SMG6: variants seen among roughly 807,000 people sequenced by gnomAD.
The protein encoded by SMG6 is SMG6 nonsense mediated mRNA decay factor, also known as telomerase-binding protein EST1A.
Under a neutral mutation model 142.2 loss-of-function variants are expected in SMG6, and 66 were observed. The ratio of observed to expected loss-of-function variants is 0.46; its 90% CI spans 0.38 to 0.57. SMG6 has a LOEUF of 0.57. SMG6 is among the 20% of genes least tolerant of loss of function. The pLI is 0.00. For missense variants in SMG6, 1,793 were observed against 1,832.0 expected, an observed-to-expected ratio of 0.98 and a Z score of 0.39; for synonymous variants, 779 against 702.4, an observed-to-expected ratio of 1.11 and a Z score of -1.72.
chr17:2,266,366 A>G (rs1214147603), intron 8 of SMG6, among the ~76,000 whole-genome samples: 1 of 152,134 alleles, frequency 6.6e-6, no homozygotes, highest in East Asian at 1.9e-4. Flanking sequence ...GAAAAACCTT[A>G]AGCTGGGAAA....
chr17:2,084,925 C>T (rs949164364), intron 14 of SMG6, among the ~76,000 whole-genome samples: 2 of 152,230 alleles, frequency 1.3e-5, no homozygotes, highest in Non-Finnish European at 2.9e-5. Flanking sequence ...ATCACACTCA[C>T]AACCACTCAG....
chr17:2,074,015 G>A (rs145507119), intron 15 of SMG6, among the ~76,000 whole-genome samples: 155 of 152,164 alleles, frequency 1.0e-3, no homozygotes, highest in Middle Eastern at 6.8e-3. Context: ...GGAGGCAGCG[G>A]TTACAGTGAG....
At chr17:2,247,408 G>A (rs779819199) in intron 8 of SMG6, among the ~76,000 whole-genome samples, 1 of 152,064 alleles carries the variant, frequency 6.6e-6, no homozygotes, top group Non-Finnish European at 1.5e-5. Flanking sequence ...ATCATAAATT[G>A]GTTAATTCAT....
intron 13 of SMG6, among the ~76,000 whole-genome samples, chr17:2,133,843 C>T (rs552342569): frequency 6.6e-6 from 1 of 152,142 alleles, no homozygotes; most frequent in African/African-American, 2.4e-5. Context: ...ATGGGGCATA[C>T]CCTTTCTGTT....
rs534901645 is a variant in SMG6, at chr17:2,065,749, A to G, written c.3836-70T>C. 5.0e-5 allele frequency: 67 copies of G among 1,333,218 alleles called. No homozygotes were observed. In the African/African-American group the frequency reaches 8.4e-4, roughly 17 times the overall value. The allele number at this position is 1,333,218 out of a possible 1,614,324, so 82.6% of individuals were successfully genotyped here. The stretch of plus-strand genomic sequence containing the variant: ...TTTCATCCTAGGCCTCTGTCCATTC[A>G]CTTTCCCAGCCAACACCTTCCCAGA... On this transcript the variant is annotated intron_variant, in intron 16 of 18. Transcript: ENST00000263073.
At chr17:2,081,700 G>T in intron 15 of SMG6, 110 bp downstream of exon 15, 1 of 1,303,968 alleles carries the variant, frequency 7.7e-7, no homozygotes. Context: ...GAACACTGCA[G>T]GACTGACTCA....
chr17:2,216,715 G>C (rs1160700483), intron 10 of SMG6, among the ~76,000 whole-genome samples: 2 of 152,102 alleles, frequency 1.3e-5, no homozygotes, highest in Non-Finnish European at 2.9e-5. Context: ...CTTGAACATT[G>C]TTAGGAATTT....
chr17:2,103,184 A>T (rs958267285), intron 13 of SMG6, among the ~76,000 whole-genome samples: 4 of 152,124 alleles, frequency 2.6e-5, no homozygotes, highest in African/African-American at 9.7e-5. Context: ...CCATTCTTAC[A>T]GGTTTCTGTG....
At chr17:2,209,519 C>T (rs947922937) in intron 10 of SMG6, among the ~76,000 whole-genome samples, 3 of 152,148 alleles carry the variant, frequency 2.0e-5, no homozygotes, top group Non-Finnish European at 2.9e-5. Flanking sequence ...TGTGTCACCA[C>T]GCCCCGGCTA....
At chr17:2,100,404 C>G (rs1378705831) in intron 13 of SMG6, among the ~76,000 whole-genome samples, 1 of 152,144 alleles carries the variant, frequency 6.6e-6, no homozygotes, top group African/African-American at 2.4e-5. Flanking sequence ...AACTCCTGGC[C>G]TCAAGTGATC....
chr17:2,171,009 G>A (rs1565764), intron 13 of SMG6, among the ~76,000 whole-genome samples: 51,609 of 151,994 alleles, frequency 0.34, 9,329 homozygotes, highest in African/African-American at 0.46. Flanking sequence ...GCATGTTAGC[G>A]CAGACCTATA....
intron 13 of SMG6, among the ~76,000 whole-genome samples, chr17:2,129,839 G>A (rs1368570261): frequency 7.9e-6 from 1 of 126,898 alleles, no homozygotes; most frequent in African/African-American, 2.8e-5. Flanking sequence ...ATGACAAATA[G>A]ATTTAATAAT....
intron 10 of SMG6, among the ~76,000 whole-genome samples, chr17:2,219,048 TACATGAA>T (rs1456708747): frequency 6.6e-6 from 1 of 152,226 alleles, no homozygotes; most frequent in Non-Finnish European, 1.5e-5. Context: ...ATTCAACAAA[TACATGAA>T]GGCCTACATT....
intron 10 of SMG6, among the ~76,000 whole-genome samples, chr17:2,215,224 C>CAT (rs56977255): frequency 2.6e-5 from 4 of 151,196 alleles, no homozygotes; most frequent in Admixed American, 1.3e-4. Context: ...CACACACACA[C>CAT]GCGCGCGCAC....
chr17:2,158,083 T>TA (rs2071062924), intron 13 of SMG6, among the ~76,000 whole-genome samples: 1 of 152,198 alleles, frequency 6.6e-6, no homozygotes, highest in African/African-American at 2.4e-5. Flanking sequence ...GGGAAGAAGT[T>TA]AATTTTTTAA....
chr17:2,160,461 C>A (rs559160964), intron 13 of SMG6, among the ~76,000 whole-genome samples: 1 of 152,170 alleles, frequency 6.6e-6, no homozygotes, highest in East Asian at 1.9e-4. Context: ...TCTGGTGAAC[C>A]GCCTGCCTCG....
chr17:2,106,141 G>A (rs192336985), intron 13 of SMG6, among the ~76,000 whole-genome samples: 2 of 152,310 alleles, frequency 1.3e-5, no homozygotes, highest in Admixed American at 6.5e-5. Flanking sequence ...GGCTTAAGGA[G>A]GAGATACTGA....
chr17:2,247,929 T>TAAACAAAC lies in SMG6; in HGVS notation c.2662-3218_2662-3211dup, dbSNP rs374727108. On this transcript the variant is annotated intron_variant, in intron 8 of 18. Coordinates refer to ENST00000263073, the MANE Select transcript of SMG6 (RefSeq NM_017575.5). ...CAATATGGTGAAACCCAGTATCTGT[T>TAAACAAAC]AAACAAACAAACAAACAAACAAACG... 9.4e-3 allele frequency among the ~76,000 whole-genome samples: 1,427 copies of TAAACAAAC among 151,660 alleles called. 26 individuals are homozygous for TAAACAAAC. Among genetic ancestry groups the TAAACAAAC allele is most frequent in the African/African-American group, 0.032 (1,330 of 41,272 alleles).
chr17:2,231,630 G>C (rs1179920258), intron 10 of SMG6, among the ~76,000 whole-genome samples: 1 of 152,136 alleles, frequency 6.6e-6, no homozygotes, highest in African/African-American at 2.4e-5. Context: ...CCGGGAGGCA[G>C]AGGTTGCAGT....
Sources: allele counts gnomAD v4.1 joint callset (sites outside exome capture counted in the v4.1 genomes callset), GRCh38; gene constraint gnomAD v4.1.1; transcripts MANE v1.5; gene names NCBI Gene and HGNC (gene_info 2026-07-23, HGNC 2026-07-21).